RBL2: variants seen among roughly 807,000 people sequenced by gnomAD.
The protein encoded by RBL2 is RB transcriptional corepressor like 2.
Under a neutral mutation model 126.0 loss-of-function variants are expected in RBL2, and 56 were observed. The ratio of observed to expected loss-of-function variants is 0.44; its 90% CI spans 0.36 to 0.56. RBL2 has a LOEUF of 0.56. Ranked by LOEUF, RBL2 falls within the 20% of genes least tolerant of loss-of-function variation. The pLI is 0.00. For missense variants in RBL2, 1,229 were observed against 1,398.2 expected (o/e 0.88, Z 1.93); for synonymous variants, 454 against 478.5 (o/e 0.95, Z 0.67).
chr16:53,454,870 A>G, intron 8 of RBL2, 28 bp downstream of exon 8: 1 of 1,548,578 alleles, frequency 6.5e-7, no homozygotes, highest in East Asian at 2.3e-5. Flanking sequence ...AGAAGAGTAG[A>G]AATACAGGAG....
At chr16:53,486,979 TATG>T (rs1324188452) in intron 21 of RBL2, among the ~76,000 whole-genome samples, 2 of 152,208 alleles carry the variant, frequency 1.3e-5, no homozygotes, top group Admixed American at 1.3e-4. Context: ...TAGGGGTAGG[TATG>T]ATAAAAACTA....
intron 19 of RBL2, chr16:53,480,271 T>C: frequency 1.9e-6 from 1 of 522,638 alleles, no homozygotes; most frequent in Non-Finnish European, 3.4e-6. Flanking sequence ...AACCATGCTA[T>C]GGAAATACCA....
chr16:53,485,303 A>G (rs149224154), intron 21 of RBL2, among the ~76,000 whole-genome samples: 2 of 152,344 alleles, frequency 1.3e-5, no homozygotes, highest in East Asian at 1.9e-4. Context: ...CCTAAATTAT[A>G]TATTTCTATT....
rs1178927139 is a variant in RBL2 at position 53,480,770 on chromosome 16, G to A, written c.3084+1G>A. On this transcript the variant is annotated splice_donor_variant, in intron 20 of 21. Transcript: ENST00000262133. LOFTEE classifies it high-confidence loss of function. ...TGCCATGAAGTACTCACAGGCAAAT[G>A]TAAGTATGACAGGGATTATTTCATA... The A allele has an allele frequency of 1.9e-6, 3 of 1,609,606 alleles. No individual in the cohort carries two copies. Among genetic ancestry groups the A allele is most frequent in the Non-Finnish European group, 2.5e-6 (3 of 1,177,404 alleles).
At chr16:53,480,482 T>A in intron 19 of RBL2, 85 bp from the exon 20 acceptor site, 1 of 1,134,854 alleles carries the variant, frequency 8.8e-7, no homozygotes, top group Non-Finnish European at 1.3e-6. Flanking sequence ...TGCAGGTAGC[T>A]GTTCCCTTTC....
At chr16:53,489,151 T>G (rs1214994849) in intron 21 of RBL2, 1 of 152,186 alleles carries the variant, frequency 6.6e-6, no homozygotes, top group Non-Finnish European at 1.5e-5. Context: ...AAACATTTAT[T>G]ACTTTAAAGA....
At chr16:53,479,805 G>A (rs1452610412) in intron 18 of RBL2, 81 bp from the exon 19 acceptor site, 2 of 887,692 alleles carry the variant, frequency 2.3e-6, no homozygotes, top group Admixed American at 5.4e-5. Context: ...TGAAAACCAA[G>A]TAACATATGT....
chr16:53,456,245 T>C (rs1028233292), intron 8 of RBL2, among the ~76,000 whole-genome samples: 1 of 152,080 alleles, frequency 6.6e-6, no homozygotes, highest in African/African-American at 2.4e-5. Flanking sequence ...ACAGACCGTG[T>C]AGGCTTTGGA....
chr16:53,490,375 T>C lies in RBL2; in HGVS notation c.*75T>C. The C allele has an allele frequency of 1.5e-6, 2 of 1,339,334 alleles. No homozygotes were observed. Among genetic ancestry groups the C allele is most frequent in the Non-Finnish European group, 2.0e-6 (2 of 993,310 alleles). The allele number at this position is 1,339,334 out of a possible 1,614,324, so 83.0% of individuals were successfully genotyped here. On this transcript the variant is annotated 3_prime_UTR_variant, in exon 22 of 22. Coordinates refer to ENST00000262133, the MANE Select transcript of RBL2 (RefSeq NM_005611.4). ...TTTAATGCATCTAGATTATGGAGCT[T>C]TTTTCCTTAATCCAGCTGATGAGTT... is the stretch of plus-strand genomic sequence containing the variant.
chr16:53,450,279 C>T (rs777245520), intron 4 of RBL2, among the ~76,000 whole-genome samples: 56 of 151,834 alleles, frequency 3.7e-4, no homozygotes, highest in African/African-American at 1.2e-3. Context: ...GCTTTGTATA[C>T]GCTGAGGTAA....
At chr16:53,457,206 G>A (rs1567733800) in intron 8 of RBL2, among the ~76,000 whole-genome samples, 1 of 150,758 alleles carries the variant, frequency 6.6e-6, no homozygotes, top group Non-Finnish European at 1.5e-5. Context: ...TCACAGTAGA[G>A]GTTAGGGGTT....
At chr16:53,435,592 A>G (rs1001792387) in intron 1 of RBL2, 109 of 1,254,166 alleles carry the variant, frequency 8.7e-5, no homozygotes, top group Non-Finnish European at 1.1e-4. Context: ...TCATGGGCCA[A>G]TGGGAAGTGA....
intron 21 of RBL2, among the ~76,000 whole-genome samples, chr16:53,486,415 A>G (rs971602881): frequency 2.6e-5 from 4 of 152,230 alleles, no homozygotes; most frequent in African/African-American, 9.6e-5. Context: ...TACTAAAGAA[A>G]TTAATTTGTG....
intron 4 of RBL2, chr16:53,449,505 G>T (rs111232287): frequency 0.29 from 42,961 of 148,836 alleles, 6,434 homozygotes; most frequent in Middle Eastern, 0.36. Context: ...TGAGGTGGGA[G>T]AATCGCTTGA....
intron 21 of RBL2, among the ~76,000 whole-genome samples, chr16:53,483,768 C>T (rs182182233): frequency 3.3e-3 from 505 of 151,710 alleles, no homozygotes; most frequent in Non-Finnish European, 5.5e-3. Context: ...TGGTGGACAC[C>T]TGTAATCCCA....
chr16:53,463,561 CTTTTTTTTTTTTTT>C (rs770657237), intron 11 of RBL2, among the ~76,000 whole-genome samples: 4 of 94,406 alleles, frequency 4.2e-5, no homozygotes, highest in African/African-American at 1.7e-4. Context: ...TTTTTTTTTC[CTTTTTTTTTTTTTT>C]TTTTTTTTTT....
chr16:53,482,164 GGA>G lies in RBL2; in HGVS notation c.3249+330_3249+331del, dbSNP rs1960979106. Among the ~76,000 whole-genome samples, 7 of 152,256 alleles carry G rather than the reference GGA, an allele frequency of 4.6e-5. No individual in the cohort carries two copies. In the South Asian group the frequency reaches 1.4e-3, roughly 32 times the overall value. On this transcript the variant is annotated intron_variant, in intron 21 of 21. Coordinates refer to ENST00000262133, the MANE Select transcript of RBL2 (RefSeq NM_005611.4). ...CACATTTGTTAGGGAAAGAAATTTT[GGA>G]TTCCTTACCAAAGGCCTGTTTCTGG...
rs1284170883 is a variant in RBL2, at chr16:53,442,830, C to G, written c.544C>G (p.Pro182Ala). Residue 182 changes from proline (P) to alanine (A), a missense_variant, in exon 3 of 22, where the codon CCT (proline) becomes GCT (alanine). Transcript: ENST00000262133. The part of the protein sequence containing the change: ...DIFKYPQEEQ[P>A]RQQRGRKQRR... The stretch of plus-strand genomic sequence containing the variant: ...CTTTAAATACCCTCAAGAGGAGCAA[C>G]CTCGTCAGCAGCGAGGAAGGAAACA... The G allele has an allele frequency of 6.2e-7, 1 of 1,612,726 alleles. No individual in the cohort carries two copies. The highest frequency in any genetic ancestry group is 8.5e-7 in the Non-Finnish European group (1 of 1,179,324).
chr16:53,479,273 G>A, intron 18 of RBL2, 48 bp downstream of exon 18: 1 of 1,525,432 alleles, frequency 6.6e-7, no homozygotes, highest in Non-Finnish European at 9.1e-7. Context: ...TAAAGTCTGT[G>A]ATGAATACAA....
Sources: gnomAD v4.1 joint callset for allele counts (sites outside exome capture counted in the v4.1 genomes callset) on GRCh38, gnomAD v4.1.1 for gene constraint, MANE v1.5 for transcripts, NCBI Gene and HGNC (gene_info 2026-07-23, HGNC 2026-07-21) for gene names.